IKBKB-DT: variants seen among roughly 807,000 people sequenced by gnomAD.
IKBKB-DT encodes IKBKB divergent transcript, also known as IKBKB antisense RNA.
chr8:42,254,665 G>T (rs1162948533), intron 3 of IKBKB-DT, among the ~76,000 whole-genome samples: 4 of 147,338 alleles, frequency 2.7e-5, no homozygotes, highest in Admixed American at 2.7e-4. Context: ...CAGCCTGTCT[G>T]GGAAGTGATG....
At position 42,262,294 on chromosome 8, in the gene IKBKB-DT, AAT is replaced by A. The variant is rs1189047205; in HGVS notation, n.1529+1033_1529+1034del. Among the ~76,000 whole-genome samples the A allele has an allele frequency of 7.7e-4, 111 of 144,236 alleles. 1 individual carries two copies. Among genetic ancestry groups the A allele is most frequent in the Admixed American group, 2.8e-3 (40 of 14,378 alleles). The allele number at this position is 144,236 out of a possible 152,430, so 94.6% of individuals were successfully genotyped here. A position where few individuals can be genotyped will look rare whatever the true frequency, so the allele number is the denominator to read the frequency against. ...ACTTAAAGTATAATAATAAAAAAAA[AAT>A]AAATAAAAGATGACCACTTTATTTA... On this transcript the variant is annotated intron_variant and non_coding_transcript_variant, in intron 3 of 3. Coordinates refer to ENST00000518213, the Ensembl canonical transcript of IKBKB-DT.
intron 3 of IKBKB-DT, among the ~76,000 whole-genome samples, chr8:42,242,937 C>CAG (rs1807022425): frequency 2.0e-5 from 3 of 152,210 alleles, no homozygotes; most frequent in Admixed American, 2.0e-4. Context: ...TTGCTACTTG[C>CAG]AGAATCCAAT....
intron 3 of IKBKB-DT, among the ~76,000 whole-genome samples, chr8:42,234,323 C>A (rs1429944510): frequency 6.6e-6 from 1 of 152,128 alleles, no homozygotes; most frequent in African/African-American, 2.4e-5. Flanking sequence ...CCTGTTCCTG[C>A]CTGACGAGCT....
At chr8:42,256,348 G>A (rs1237106135) in intron 3 of IKBKB-DT, among the ~76,000 whole-genome samples, 1 of 151,656 alleles carries the variant, frequency 6.6e-6, no homozygotes, top group Non-Finnish European at 1.5e-5. Context: ...GATAGCCTGA[G>A]GTGAGAAGTT....
intron 3 of IKBKB-DT, among the ~76,000 whole-genome samples, chr8:42,250,236 T>A (rs139430933): frequency 6.6e-6 from 1 of 151,950 alleles, no homozygotes; most frequent in Non-Finnish European, 1.5e-5. Flanking sequence ...TGGGAAATAG[T>A]CCTCCTGGGC....
At chr8:42,260,368 A>C (rs987354821) in intron 3 of IKBKB-DT, among the ~76,000 whole-genome samples, 1 of 152,044 alleles carries the variant, frequency 6.6e-6, no homozygotes, top group South Asian at 2.1e-4. Context: ...AGCTCCTTTA[A>C]AAAAAAGCCT....
intron 3 of IKBKB-DT, among the ~76,000 whole-genome samples, chr8:42,262,426 TTTTATTTATTTATTTA>T (rs57144579): frequency 6.9e-6 from 1 of 144,286 alleles, no homozygotes; most frequent in South Asian, 2.1e-4. Context: ...TACCACATTC[TTTTATTTATTTATTTA>T]TTTATTTATT....
At chr8:42,237,595 C>T (rs1409496608) in intron 3 of IKBKB-DT, among the ~76,000 whole-genome samples, 1 of 152,014 alleles carries the variant, frequency 6.6e-6, no homozygotes, top group African/African-American at 2.4e-5. Context: ...TTATACCTTG[C>T]CAAACGTCGA....
Position 42,266,579 on chromosome 8 carries a change from T to C in IKBKB-DT, n.604-183A>G, listed in dbSNP as rs1270312354. On this transcript the variant is annotated intron_variant and non_coding_transcript_variant, in intron 1 of 3. Coordinates refer to ENST00000518213, the Ensembl canonical transcript of IKBKB-DT. ...TGAACCAGAGCAACTCCATCTTGAA[T>C]AGGAGCTGGGTAAAATGAGGCTGAG... is the stretch of plus-strand genomic sequence containing the variant. Among the ~76,000 whole-genome samples the C allele has an allele frequency of 2.6e-5, 4 of 152,208 alleles. No individual in the cohort carries two copies. In the East Asian group the frequency reaches 7.7e-4, roughly 29 times the overall value.
At chr8:42,258,571 C>T (rs1432067828) in intron 3 of IKBKB-DT, among the ~76,000 whole-genome samples, 1 of 151,998 alleles carries the variant, frequency 6.6e-6, no homozygotes, top group African/African-American at 2.4e-5. Flanking sequence ...TGGATTCACG[C>T]CATTCTCCTG....
At chr8:42,246,849 G>A (rs2129912162) in intron 3 of IKBKB-DT, among the ~76,000 whole-genome samples, 1 of 152,224 alleles carries the variant, frequency 6.6e-6, no homozygotes, top group Admixed American at 6.5e-5. Context: ...GGGTTGGGGT[G>A]GGAGTGAGGG....
chr8:42,240,390 C>G (rs191224814), intron 3 of IKBKB-DT, among the ~76,000 whole-genome samples: 1 of 151,370 alleles, frequency 6.6e-6, no homozygotes, highest in Admixed American at 6.6e-5. Flanking sequence ...TTTGGGAGGC[C>G]GAGGCGGGCA....
At chr8:42,239,569 T>A (rs1806971034) in intron 3 of IKBKB-DT, among the ~76,000 whole-genome samples, 1 of 139,886 alleles carries the variant, frequency 7.1e-6, no homozygotes, top group African/African-American at 2.6e-5. Flanking sequence ...AATACTTTCT[T>A]TTGAATGGTT....
intron 3 of IKBKB-DT, among the ~76,000 whole-genome samples, chr8:42,238,046 AAAAAAAAAG>A: frequency 7.0e-6 from 1 of 141,972 alleles, no homozygotes; most frequent in African/African-American, 3.0e-5. Context: ...AAAAAAAAAA[AAAAAAAAAG>A]GACTTTCACC....
At chr8:42,248,751 C>T (rs976041838) in intron 3 of IKBKB-DT, among the ~76,000 whole-genome samples, 4 of 151,724 alleles carry the variant, frequency 2.6e-5, no homozygotes, top group African/African-American at 9.7e-5. Context: ...TGGTGACAGG[C>T]ACCTGTAGTC....
intron 3 of IKBKB-DT, among the ~76,000 whole-genome samples, chr8:42,237,221 G>T (rs1806937277): frequency 6.6e-6 from 1 of 151,886 alleles, no homozygotes; most frequent in Non-Finnish European, 1.5e-5. Context: ...CGAGTAGCTG[G>T]GATTACAGGT....
At chr8:42,248,048 TCACCGCTA>T (rs367972962) in intron 3 of IKBKB-DT, among the ~76,000 whole-genome samples, 24 of 148,634 alleles carry the variant, frequency 1.6e-4, no homozygotes, top group African/African-American at 3.0e-4. Context: ...AGCTGAGATC[TCACCGCTA>T]CACTCCAGCC....
chr8:42,239,614 T>TTTTATATA lies in IKBKB-DT; in HGVS notation n.1530-5756_1530-5755insTATATAAA, dbSNP rs1554502579. On this transcript the variant is annotated intron_variant and non_coding_transcript_variant, in intron 3 of 3. Coordinates refer to ENST00000518213, the Ensembl canonical transcript of IKBKB-DT. ...CCAACCAATTTTTGTAAAAGGCAAT[T>TTTTATATA]TATATATATATATATATATATTTAT... is the stretch of plus-strand genomic sequence containing the variant. Among the ~76,000 whole-genome samples, 151 of 19,918 alleles carry TTTTATATA rather than the reference T, an allele frequency of 7.6e-3. 4 individuals are homozygous for TTTTATATA. The highest frequency in any genetic ancestry group is 0.018 in the African/African-American group (128 of 7,274). The allele number at this position is 19,918 out of a possible 152,430, so 13.1% of individuals were successfully genotyped here.
At chr8:42,269,212 G>A (rs1807430369) in intron 1 of IKBKB-DT, among the ~76,000 whole-genome samples, 1 of 150,552 alleles carries the variant, frequency 6.6e-6, no homozygotes, top group South Asian at 2.1e-4. Context: ...CTCAGCTAGT[G>A]GGGAGGCTGA....
Sources: allele counts gnomAD v4.1 joint callset (sites outside exome capture counted in the v4.1 genomes callset), GRCh38; gene constraint gnomAD v4.1.1; transcripts MANE v1.5; gene names NCBI Gene and HGNC (gene_info 2026-07-23, HGNC 2026-07-21).